Variants in SYN3 observed in about 807,000 individuals in gnomAD.
The protein encoded by SYN3 is synapsin III, also known as synapsin-3.
Under a neutral mutation model 65.8 loss-of-function variants are expected in SYN3, and 35 were observed. The observed-to-expected ratio is 0.53, with a 90% CI of 0.41 to 0.70. SYN3 has a LOEUF of 0.70. SYN3 is among the 30% of genes least tolerant of loss of function. SYN3 has a pLI of 0.00. For missense variants in SYN3, 680 were observed against 749.0 expected (o/e 0.91, Z 1.08); for synonymous variants, 270 against 292.9 (o/e 0.92, Z 0.80).
intron 1 of SYN3, among the ~76,000 whole-genome samples, chr22:33,033,375 T>A (rs2053789525): frequency 6.6e-6 from 1 of 152,212 alleles, no homozygotes; most frequent in African/African-American, 2.4e-5. Flanking sequence ...GCTGTTCCCC[T>A]GCCTGGAATG....
intron 6 of SYN3, among the ~76,000 whole-genome samples, chr22:32,802,290 G>C (rs974807461): frequency 3.3e-5 from 5 of 152,122 alleles, no homozygotes; most frequent in Admixed American, 6.5e-5. Context: ...CGCTGGCATA[G>C]CTGAGAGGGG....
In SYN3 at chr22:32,556,817, T is replaced by C. The variant is rs1437926261; in HGVS notation, c.775-15104A>G. On this transcript the variant is annotated intron_variant, in intron 7 of 13. Transcript: ENST00000358763. Reference sequence around the variant, plus strand: ...ATAGGTTTCCTGGTTTTTTTTTTTTTTTTTTTTTTTTTTTTTTTGTGTGTA... The same window carrying C: ...ATAGGTTTCCTGGTTTTTTTTTTTTCTTTTTTTTTTTTTTTTTTGTGTGTA... 4.4e-4 allele frequency among the ~76,000 whole-genome samples: 59 copies of C among 133,108 alleles called. 5 individuals carry two copies. The highest frequency in any genetic ancestry group is 9.8e-4 in the African/African-American group (34 of 34,698). 87.3% of individuals were successfully genotyped at this position (133,108 alleles called of 152,430 possible).
intron 4 of SYN3, among the ~76,000 whole-genome samples, chr22:32,923,643 T>A (rs1323417274): frequency 6.6e-6 from 1 of 152,266 alleles, no homozygotes; most frequent in Non-Finnish European, 1.5e-5. Flanking sequence ...TAGGACTTGT[T>A]ATGGCCCTAT....
chr22:32,807,377 TA>T (rs1160372893), intron 6 of SYN3, among the ~76,000 whole-genome samples: 14 of 108,716 alleles, frequency 1.3e-4, no homozygotes, highest in Admixed American at 3.4e-4. Flanking sequence ...ATATTATATA[TA>T]ATATATATTA....
At chr22:32,738,883 G>A (rs1366378838) in intron 6 of SYN3, among the ~76,000 whole-genome samples, 1 of 152,224 alleles carries the variant, frequency 6.6e-6, no homozygotes, top group African/African-American at 2.4e-5. Flanking sequence ...GGACCTCCCA[G>A]GTGAGTGGGT....
chr22:33,000,301 G>C (rs2053019982), intron 2 of SYN3, among the ~76,000 whole-genome samples: 2 of 152,116 alleles, frequency 1.3e-5, no homozygotes, highest in Non-Finnish European at 2.9e-5. Context: ...TCCTTGCCTA[G>C]CCAGGCTGGT....
intron 3 of SYN3, among the ~76,000 whole-genome samples, chr22:32,934,285 C>T (rs543591076): frequency 2.4e-4 from 37 of 152,248 alleles, no homozygotes; most frequent in African/African-American, 8.7e-4. Flanking sequence ...GAATCTCTGA[C>T]TCAAAAGTGG....
At chr22:32,537,889 A>G in intron 9 of SYN3, 147 bp downstream of exon 9, 1 of 641,590 alleles carries the variant, frequency 1.6e-6, no homozygotes, top group Non-Finnish European at 2.8e-6. Flanking sequence ...TGGGCAGTGA[A>G]GATGATCATG....
intron 13 of SYN3, among the ~76,000 whole-genome samples, chr22:32,516,722 T>G (rs1053988234): frequency 6.6e-6 from 1 of 152,230 alleles, no homozygotes; most frequent in African/African-American, 2.4e-5. Flanking sequence ...AAAAAATAGT[T>G]GTTAGCATGA....
At chr22:32,784,121 G>A (rs1317017859) in intron 6 of SYN3, among the ~76,000 whole-genome samples, 2 of 152,126 alleles carry the variant, frequency 1.3e-5, no homozygotes, top group African/African-American at 2.4e-5. Flanking sequence ...TGGGGCTTTT[G>A]TCATTCTCTC....
intron 9 of SYN3, among the ~76,000 whole-genome samples, 157 bp downstream of exon 9, chr22:32,537,879 T>C (rs1394415911): frequency 1.3e-5 from 2 of 152,252 alleles, no homozygotes; most frequent in African/African-American, 4.8e-5. Flanking sequence ...TAGGTTGCTG[T>C]GGGCAGTGAA....
chr22:32,859,086 C>A, intron 6 of SYN3: 1 of 1,235,190 alleles, frequency 8.1e-7, no homozygotes, highest in Non-Finnish European at 1.2e-6. Context: ...GCTTCCCATG[C>A]AGTGGCCCCA....
At position 32,801,884 on chromosome 22, in the gene SYN3, G is replaced by A. The variant is rs1602182693; in HGVS notation, c.711+63031C>T. ...CGGAGGGCAGCGCGCCGGAGGCCAA[G>A]GTTGCCCCGCACGGCCCGGCGGGCG... On this transcript the variant is annotated intron_variant, in intron 6 of 13. Coordinates refer to ENST00000358763, the MANE Select transcript of SYN3 (RefSeq NM_003490.4). The surrounding 1 kb of genome is among the most constrained non-coding windows in gnomAD (Gnocchi z 4.7). 7.6e-7 allele frequency: 1 copy of A among 1,323,828 alleles called. No homozygotes were observed. Among genetic ancestry groups the A allele is most frequent in the East Asian group, 3.3e-5 (1 of 30,040 alleles). 82.0% of individuals were successfully genotyped at this position (1,323,828 alleles called of 1,614,324 possible).
chr22:32,976,975 A>G (rs1330235001), intron 3 of SYN3, among the ~76,000 whole-genome samples: 1 of 146,992 alleles, frequency 6.8e-6, no homozygotes, highest in East Asian at 2.0e-4. Context: ...CAAGTGCTAA[A>G]GGATGCATGT....
At chr22:32,642,445 T>TA (rs1428327313) in intron 6 of SYN3, among the ~76,000 whole-genome samples, 25 of 151,828 alleles carry the variant, frequency 1.6e-4, no homozygotes, top group African/African-American at 5.6e-4. Flanking sequence ...TCTTTTTATT[T>TA]TATTTTTTTA....
chr22:32,580,928 A>T (rs1196239418), intron 7 of SYN3, among the ~76,000 whole-genome samples: 1 of 152,214 alleles, frequency 6.6e-6, no homozygotes, highest in African/African-American at 2.4e-5. Context: ...GGCAGGCGGG[A>T]CTGCAGATCT....
chr22:32,963,306 C>A (rs969527357), intron 3 of SYN3, among the ~76,000 whole-genome samples: 3 of 145,236 alleles, frequency 2.1e-5, no homozygotes, highest in Non-Finnish European at 4.5e-5. Context: ...AGGCTGGTCT[C>A]AAACTCCTGG....
chr22:32,856,457 G>C lies in SYN3; in HGVS notation c.711+8458C>G, dbSNP rs201944320. 1.4e-4 allele frequency among the ~76,000 whole-genome samples: 22 copies of C among 152,226 alleles called. No individual in the cohort carries two copies. In the East Asian group the frequency reaches 3.7e-3, roughly 25 times the overall value. On this transcript the variant is annotated intron_variant, in intron 6 of 13. Coordinates refer to ENST00000358763, the MANE Select transcript of SYN3 (RefSeq NM_003490.4). ...CCGGCCACTGGACAGCTGAATAGGGGAGCGAGATTCCCTCAGATCCAATGT... is the reference window on the plus strand; with the variant it reads ...CCGGCCACTGGACAGCTGAATAGGGCAGCGAGATTCCCTCAGATCCAATGT...
In SYN3 at chr22:32,922,662, C is replaced by T. The variant is rs76113209; in HGVS notation, c.461+8728G>A. On this transcript the variant is annotated intron_variant, in intron 4 of 13. Transcript: ENST00000358763. ...TTGTTCACTCAAGGAGAGAGATGGC[C>T]ACCAGCAGCTCCAGACATACATCCC... Among the ~76,000 whole-genome samples, 58 of 152,140 alleles carry T rather than the reference C, an allele frequency of 3.8e-4. 2 individuals are homozygous for T. In the East Asian group the frequency reaches 8.0e-3, roughly 21 times the overall value.
Sources: gnomAD v4.1 joint callset for allele counts (sites outside exome capture counted in the v4.1 genomes callset) on GRCh38, gnomAD v4.1.1 for gene constraint, Gnocchi (gnomAD v3.1) non-coding constraint, MANE v1.5 for transcripts, NCBI Gene and HGNC (gene_info 2026-07-23, HGNC 2026-07-21) for gene names.